Variants in KCNQ5 observed in about 807,000 individuals in gnomAD.
KCNQ5 encodes potassium voltage-gated channel subfamily Q member 5, also known as potassium voltage-gated channel subfamily KQT member 5.
A neutral mutation model predicts 98.2 loss-of-function variants in KCNQ5; 30 were observed. That is an observed-to-expected ratio of 0.31 (90% CI 0.23 to 0.41). The LOEUF is 0.41. Among genes scored for constraint, KCNQ5 ranks in the 10% least tolerant of loss-of-function variants. KCNQ5 has a pLI of 1.00. For synonymous variants in KCNQ5, 458 were observed against 449.4 expected, an observed-to-expected ratio of 1.02 and a Z score of -0.24; for missense variants, 835 against 1,182.5, an observed-to-expected ratio of 0.71 and a Z score of 4.31.
At chr6:73,084,899 G>A (rs575214584) in intron 5 of KCNQ5, among the ~76,000 whole-genome samples, 2 of 152,312 alleles carry the variant, frequency 1.3e-5, no homozygotes, top group Non-Finnish European at 2.9e-5. Context: ...TTATTATTTA[G>A]CACAAGCATG....
intron 1 of KCNQ5, among the ~76,000 whole-genome samples, chr6:72,920,997 C>A (rs1562068701): frequency 6.6e-6 from 1 of 152,070 alleles, no homozygotes; most frequent in South Asian, 2.1e-4. Flanking sequence ...CATGAAAAAA[C>A]ACTATGATAT....
chr6:72,757,955 CAG>C (rs748787025), intron 1 of KCNQ5, among the ~76,000 whole-genome samples: 3 of 151,980 alleles, frequency 2.0e-5, no homozygotes, highest in Non-Finnish European at 4.4e-5. Context: ...AAGCATGAAG[CAG>C]AGACTTCAGT....
At chr6:73,004,354 T>C (rs1357625511) in intron 2 of KCNQ5, among the ~76,000 whole-genome samples, 6 of 152,216 alleles carry the variant, frequency 3.9e-5, no homozygotes, top group Non-Finnish European at 8.8e-5. Context: ...TGAAAGACTA[T>C]AGAGTAGAGA....
At chr6:73,105,596 G>A (rs1774966591) in intron 6 of KCNQ5, among the ~76,000 whole-genome samples, 1 of 152,192 alleles carries the variant, frequency 6.6e-6, no homozygotes, top group African/African-American at 2.4e-5. Flanking sequence ...CTCATACTTT[G>A]TGACCAAATA....
chr6:73,022,187 T>C (rs544528414), intron 2 of KCNQ5, among the ~76,000 whole-genome samples: 30 of 151,890 alleles, frequency 2.0e-4, no homozygotes, highest in African/African-American at 6.5e-4. Flanking sequence ...GATCTCTAGA[T>C]GCAAAAAAAA....
chr6:72,880,886 T>G (rs1778610582), intron 1 of KCNQ5, among the ~76,000 whole-genome samples: 1 of 152,188 alleles, frequency 6.6e-6, no homozygotes, highest in Non-Finnish European at 1.5e-5. Context: ...GAATGTCCAG[T>G]ACAGCGTTAA....
intron 1 of KCNQ5, among the ~76,000 whole-genome samples, chr6:72,864,712 T>C (rs556306703): frequency 1.3e-5 from 2 of 152,256 alleles, no homozygotes; most frequent in East Asian, 3.9e-4. Flanking sequence ...CTTAGCACAA[T>C]TTTAGGCTTG....
chr6:72,747,722 C>A (rs1409075758), intron 1 of KCNQ5, among the ~76,000 whole-genome samples: 1 of 152,054 alleles, frequency 6.6e-6, no homozygotes, highest in African/African-American at 2.4e-5. Flanking sequence ...ATATGAATTG[C>A]CATTGTCCAT....
At chr6:72,982,619 C>T (rs1228921799) in intron 1 of KCNQ5, among the ~76,000 whole-genome samples, 1 of 150,178 alleles carries the variant, frequency 6.7e-6, no homozygotes, top group African/African-American at 2.5e-5. Context: ...GGTCTTGACT[C>T]TTTATCCAAT....
chr6:72,857,458 G>A (rs899267417), intron 1 of KCNQ5, among the ~76,000 whole-genome samples: 1 of 152,056 alleles, frequency 6.6e-6, no homozygotes, highest in African/African-American at 2.4e-5. Context: ...CTGACTATAT[G>A]CTTCTAATGT....
intron 1 of KCNQ5, among the ~76,000 whole-genome samples, chr6:72,680,695 T>C (rs1271370747): frequency 6.6e-6 from 1 of 152,224 alleles, no homozygotes; most frequent in Non-Finnish European, 1.5e-5. Flanking sequence ...TAGCATTTGC[T>C]AGTGTAAATT....
intron 1 of KCNQ5, among the ~76,000 whole-genome samples, chr6:72,794,541 CACAGAT>C (rs1774227561): frequency 6.6e-6 from 1 of 152,238 alleles, no homozygotes; most frequent in Admixed American, 6.5e-5. Flanking sequence ...CTTTCCGATA[CACAGAT>C]ATCATGGCAT....
intron 1 of KCNQ5, among the ~76,000 whole-genome samples, chr6:72,640,099 G>T (rs923077629): frequency 6.6e-6 from 1 of 152,134 alleles, no homozygotes; most frequent in Non-Finnish European, 1.5e-5. Context: ...GAGATTGTGA[G>T]AATTTCTCTA....
At chr6:72,905,278 C>G (rs1779656302) in intron 1 of KCNQ5, among the ~76,000 whole-genome samples, 1 of 152,178 alleles carries the variant, frequency 6.6e-6, no homozygotes, top group South Asian at 2.1e-4. Flanking sequence ...CCCTTCACTT[C>G]TCATATCATT....
chr6:73,149,603 C>G (rs955532446), intron 10 of KCNQ5, among the ~76,000 whole-genome samples: 2 of 152,092 alleles, frequency 1.3e-5, no homozygotes, highest in Non-Finnish European at 2.9e-5. Context: ...CAAGACCAGC[C>G]TGGCCAACAT....
At chr6:72,728,611 G>A (rs1348557680) in intron 1 of KCNQ5, among the ~76,000 whole-genome samples, 1 of 152,166 alleles carries the variant, frequency 6.6e-6, no homozygotes, top group Non-Finnish European at 1.5e-5. Flanking sequence ...TTCCTATTCT[G>A]GAAGAAGGTA....
chr6:73,176,022 G>A (rs1015645156), intron 11 of KCNQ5, among the ~76,000 whole-genome samples: 2 of 152,226 alleles, frequency 1.3e-5, no homozygotes, highest in African/African-American at 4.8e-5. Context: ...GGTGATGGTT[G>A]AAGGTGGAGG....
At chr6:72,625,658 C>T (rs2098917708) in intron 1 of KCNQ5, among the ~76,000 whole-genome samples, 1 of 152,140 alleles carries the variant, frequency 6.6e-6, no homozygotes, top group Non-Finnish European at 1.5e-5. Context: ...TGTATCTTTG[C>T]CTGACTTAAT....
intron 1 of KCNQ5, among the ~76,000 whole-genome samples, chr6:72,736,400 A>G (rs1770833768): frequency 6.6e-6 from 1 of 152,154 alleles, no homozygotes; most frequent in African/African-American, 2.4e-5. Context: ...ATGAATATAA[A>G]TTGCTAAGAA....
Sources: allele counts gnomAD v4.1 joint callset (sites outside exome capture counted in the v4.1 genomes callset), GRCh38; gene constraint gnomAD v4.1.1; transcripts MANE v1.5; gene names NCBI Gene and HGNC (gene_info 2026-07-23, HGNC 2026-07-21).